JMY: variants seen among roughly 807,000 people sequenced by gnomAD.
JMY encodes junction mediating and regulatory protein, p53 cofactor.
A neutral mutation model predicts 103.3 loss-of-function variants in JMY; 46 were observed. That is an observed-to-expected ratio of 0.45 (90% CI 0.35 to 0.57). The LOEUF is 0.57. JMY is among the 20% of genes least tolerant of loss of function. The pLI is 0.00. For synonymous variants in JMY, 526 were observed against 489.3 expected (o/e 1.07, Z -0.99); for missense variants, 1,238 against 1,255.2 (o/e 0.99, Z 0.21).
At chr5:79,305,452 A>G (rs944501650) in intron 6 of JMY, among the ~76,000 whole-genome samples, 1 of 150,226 alleles carries the variant, frequency 6.7e-6, no homozygotes, top group African/African-American at 2.4e-5. Context: ...CTCCATCTCA[A>G]AAAAAAAAAG....
rs117911268 is a variant in JMY, at chr5:79,282,682, A to G, written c.1206+4599A>G. 5.3e-5 allele frequency among the ~76,000 whole-genome samples: 8 copies of G among 152,322 alleles called. No homozygotes were observed. The East Asian group carries it at 1.5e-3, about 29-fold the overall frequency. The stretch of plus-strand genomic sequence containing the variant: ...AGAGATGTACAAAGAGGAATGGTTT[A>G]GTGCTTATACTTAGTGCTTGTGCTT... On this transcript the variant is annotated intron_variant, in intron 2 of 10. Coordinates refer to ENST00000396137, the MANE Select transcript of JMY (RefSeq NM_152405.5).
chr5:79,298,698 G>A (rs1054071720), intron 4 of JMY, among the ~76,000 whole-genome samples: 10 of 152,318 alleles, frequency 6.6e-5, no homozygotes, highest in African/African-American at 2.4e-4. Context: ...AAGTACCACT[G>A]TATTTAATTC....
chr5:79,258,353 A>C (rs1463047646), intron 1 of JMY, among the ~76,000 whole-genome samples: 2 of 122,888 alleles, frequency 1.6e-5, no homozygotes, highest in East Asian at 2.3e-4. Context: ...CTCTGGCTGG[A>C]GTACAGTGGT....
chr5:79,256,278 G>C (rs928388868), intron 1 of JMY, among the ~76,000 whole-genome samples: 1 of 152,194 alleles, frequency 6.6e-6, no homozygotes, highest in African/African-American at 2.4e-5. Flanking sequence ...AAGTCAGTTT[G>C]TGGTGAATGT....
rs748107325 is a variant in JMY, at chr5:79,300,270, G to A, written c.1645G>A (p.Glu549Lys). ...EVQFEILKCE[E>K]LLLTAQLESI... ...ACAGTTTGAAATCTTGAAGTGTGAAGAGTTACTATTGACAGCGCAACTAGA... is the reference window on the plus strand; with the variant it reads ...ACAGTTTGAAATCTTGAAGTGTGAAAAGTTACTATTGACAGCGCAACTAGA... Residue 549 changes from glutamate (E) to lysine (K), a missense_variant, in exon 5 of 11, where the codon GAG becomes AAG. Physicochemically the swap from Glu to Lys is moderately conservative, Grantham distance 56. Transcript: ENST00000396137. 1.9e-6 allele frequency: 3 copies of A among 1,597,668 alleles called. No homozygotes were observed. The highest frequency in any genetic ancestry group is 1.7e-6 in the Non-Finnish European group (2 of 1,173,668).
chr5:79,276,632 G>T (rs1416472984), intron 1 of JMY, among the ~76,000 whole-genome samples: 2 of 151,434 alleles, frequency 1.3e-5, no homozygotes, highest in East Asian at 1.9e-4. Context: ...TTTTTGAGAC[G>T]AGTCTCACTC....
At chr5:79,299,877 T>C (rs1178146515) in intron 4 of JMY, among the ~76,000 whole-genome samples, 1 of 152,176 alleles carries the variant, frequency 6.6e-6, no homozygotes, top group East Asian at 1.9e-4. Context: ...ATGATACATA[T>C]ATTATTACCA....
At position 79,291,169 on chromosome 5, in the gene JMY, G is replaced by A. The variant is rs749993674; in HGVS notation, c.1397G>A (p.Gly466Asp). Residue 466 changes from glycine to aspartate, a missense_variant, in exon 4 of 11, where the codon GGT becomes GAT. Transcript: ENST00000396137. ...ATGCGAGCTGATCAGAAGAAATTTG[G>A]TAAAGCATCATGGGCAGCGGCTGCT... ...DRMRADQKKFGKASWAAAAER... is the reference protein window; with the variant it reads ...DRMRADQKKFDKASWAAAAER... 1.9e-6 allele frequency: 3 copies of A among 1,610,374 alleles called. No homozygotes were observed. Among genetic ancestry groups the A allele is most frequent in the Non-Finnish European group, 2.5e-6 (3 of 1,178,936 alleles).
chr5:79,312,400 C>T lies in JMY; in HGVS notation c.1969-3C>T. ...AATGGAATTATTATTAATTTTTTAC[C>T]AGAAGAGAGAAAAATTACATGATGA... is the stretch of plus-strand genomic sequence containing the variant. On this transcript the variant is annotated splice_polypyrimidine_tract_variant and splice_region_variant and intron_variant, in intron 7 of 10. Coordinates refer to ENST00000396137, the MANE Select transcript of JMY (RefSeq NM_152405.5). The T allele has an allele frequency of 6.6e-7, 1 of 1,519,192 alleles. No homozygotes were observed. Among genetic ancestry groups the T allele is most frequent in the Non-Finnish European group, 8.9e-7 (1 of 1,124,774 alleles). The allele number at this position is 1,519,192 out of a possible 1,614,324, so 94.1% of individuals were successfully genotyped here.
intron 1 of JMY, among the ~76,000 whole-genome samples, chr5:79,245,035 C>T (rs1744849148): frequency 6.6e-6 from 1 of 151,890 alleles, no homozygotes; most frequent in Non-Finnish European, 1.5e-5. Flanking sequence ...TATGTTTGTC[C>T]TTGAATTTTA....
Position 79,314,631 on chromosome 5 carries a change from T to TCCCCCCCCCCCCCCCCCCCCCCCCCCC in JMY, c.2444_2445insCCCCCCCCCCCCCCCCCCCCCCCCCCC (p.Pro817_Pro825dup). ...CCCCTCTTCCTCCAACACCACCACC[T>TCCCCCCCCCCCCCCCCCCCCCCCCCCC]CCCCCACCTCCTCCCCCTCCCCCAC... On this transcript the variant is annotated inframe_insertion, in exon 9 of 11. Coordinates refer to ENST00000396137, the MANE Select transcript of JMY (RefSeq NM_152405.5). The TCCCCCCCCCCCCCCCCCCCCCCCCCCC allele has an allele frequency of 3.7e-5, 36 of 978,594 alleles. No homozygotes were observed. The highest frequency in any genetic ancestry group is 1.0e-4 in the South Asian group (8 of 77,376). The allele number at this position is 978,594 out of a possible 1,614,324, so 60.6% of individuals were successfully genotyped here.
At chr5:79,252,280 CTT>C (rs2112054019) in intron 1 of JMY, among the ~76,000 whole-genome samples, 1 of 145,204 alleles carries the variant, frequency 6.9e-6, no homozygotes, top group Non-Finnish European at 1.5e-5. Flanking sequence ...CATAATTCCT[CTT>C]GTTAGTGATT....
chr5:79,291,623 G>A (rs988583937), intron 4 of JMY, among the ~76,000 whole-genome samples: 12 of 152,302 alleles, frequency 7.9e-5, no homozygotes, highest in African/African-American at 2.9e-4. Flanking sequence ...TCACTGACCA[G>A]AGAAATTCAG....
In JMY at chr5:79,306,399, G is replaced by GA. The variant is rs781569945; in HGVS notation, c.1912dup (p.Ile638AsnfsTer8). ...GGAAATATGTATTGCAAAACACAAT[G>GA]AAAAAATCCAACAGCGCACTCGGAT... On this transcript the variant is annotated frameshift_variant, in exon 7 of 11. Coordinates refer to ENST00000396137, the MANE Select transcript of JMY (RefSeq NM_152405.5). LOFTEE classifies it high-confidence loss of function. 6.2e-7 allele frequency: 1 copy of GA among 1,612,658 alleles called. No homozygotes were observed. The highest frequency in any genetic ancestry group is 1.7e-5 in the Admixed American group (1 of 59,982).
chr5:79,252,983 CCT>C (rs1028405504), intron 1 of JMY, among the ~76,000 whole-genome samples: 13 of 151,932 alleles, frequency 8.6e-5, no homozygotes, highest in African/African-American at 3.1e-4. Flanking sequence ...TTTGTGGTCT[CCT>C]CTCTCTTTCT....
chr5:79,238,054 T>C (rs2112037019), intron 1 of JMY, among the ~76,000 whole-genome samples: 1 of 152,290 alleles, frequency 6.6e-6, no homozygotes, highest in South Asian at 2.1e-4. Flanking sequence ...TGTCAACTCT[T>C]CTTTGTCCTT....
At chr5:79,319,115 T>C (rs1319731637) in intron 10 of JMY, among the ~76,000 whole-genome samples, 3 of 152,168 alleles carry the variant, frequency 2.0e-5, no homozygotes, top group African/African-American at 7.2e-5. Flanking sequence ...TCTCCTCCCA[T>C]CCCACCATAT....
chr5:79,251,283 G>A (rs1290568474), intron 1 of JMY, among the ~76,000 whole-genome samples: 2 of 152,046 alleles, frequency 1.3e-5, no homozygotes, highest in South Asian at 4.2e-4. Flanking sequence ...CCAGGCTGGA[G>A]TACAGTGGCA....
In JMY at chr5:79,284,172, C is replaced by T. The variant is rs766703954; in HGVS notation, c.1207-5949C>T. On this transcript the variant is annotated intron_variant, in intron 2 of 10. Transcript: ENST00000396137. ...GACTGGTGGTTCAAAACCATCAGCT[C>T]GTTCAACTTTAGCACCTCTCTCGTC... 307 of 1,565,308 alleles carry T rather than the reference C, an allele frequency of 2.0e-4. 1 individual carries two copies. Among genetic ancestry groups the T allele is most frequent in the Non-Finnish European group, 2.2e-4 (253 of 1,152,732 alleles).
Sources: gnomAD v4.1 joint callset for allele counts (sites outside exome capture counted in the v4.1 genomes callset) on GRCh38, gnomAD v4.1.1 for gene constraint, MANE v1.5 for transcripts, NCBI Gene and HGNC (gene_info 2026-07-23, HGNC 2026-07-21) for gene names.